The following CCDC144A variants were observed in gnomAD, a reference collection of about 807,000 sequenced individuals.
CCDC144A encodes the protein coiled-coil domain-containing protein 144A.
Under a neutral mutation model 143.8 loss-of-function variants are expected in CCDC144A, and 41 were observed. The observed-to-expected ratio is 0.29, with a 90% CI of 0.22 to 0.37. The LOEUF (loss-of-function observed/expected upper bound fraction) is 0.37, where lower values mean the gene tolerates loss of function less well. CCDC144A is among the 10% of genes least tolerant of loss of function. CCDC144A has a pLI of 1.00. For synonymous variants in CCDC144A, 242 were observed against 517.9 expected (o/e 0.47, Z 7.23); for missense variants, 637 against 1,488.8 (o/e 0.43, Z 9.41).
At chr17:16,756,988 G>A (rs1451957544) in intron 12 of CCDC144A, among the ~76,000 whole-genome samples, 1 of 152,270 alleles carries the variant, frequency 6.6e-6, no homozygotes, top group African/African-American at 2.4e-5. Flanking sequence ...AGGACAGCAG[G>A]CCAGTCCTCA....
intron 2 of CCDC144A, among the ~76,000 whole-genome samples, chr17:16,699,316 A>C (rs1371117848): frequency 3.4e-5 from 5 of 148,878 alleles, no homozygotes; most frequent in Non-Finnish European, 5.9e-5. Flanking sequence ...CGGCCAGATA[A>C]GTTAAAAGTC....
In CCDC144A at chr17:16,774,575, CT is replaced by C. The variant is rs1162966850; in HGVS notation, c.*949del. 5.0e-4 allele frequency: 70 copies of C among 140,684 alleles called. No individual in the cohort carries two copies. Among genetic ancestry groups the C allele is most frequent in the Middle Eastern group, 7.0e-3 (2 of 286 alleles). The allele number at this position is 140,684 out of a possible 1,614,324, so 8.7% of individuals were successfully genotyped here. A position where few individuals can be genotyped will look rare whatever the true frequency, so the allele number is the denominator to read the frequency against. On this transcript the variant is annotated 3_prime_UTR_variant, in exon 17 of 17. Coordinates refer to ENST00000399273, the MANE Select transcript of CCDC144A (RefSeq NM_001382000.1). ...TGTCCCTCCATTGGATTTCTCTGAA[CT>C]TTTTTTATGATAAGATTTAGATGAT...
intron 9 of CCDC144A, among the ~76,000 whole-genome samples, chr17:16,729,612 ATGG>A (rs1195617252): frequency 6.6e-6 from 1 of 151,906 alleles, no homozygotes; most frequent in Non-Finnish European, 1.5e-5. Context: ...CTGGAGTATA[ATGG>A]CGTGATCTCG....
intron 2 of CCDC144A, among the ~76,000 whole-genome samples, chr17:16,698,169 G>A (rs1482339958): frequency 6.6e-6 from 1 of 152,096 alleles, no homozygotes; most frequent in Non-Finnish European, 1.5e-5. Context: ...AATGAGCAGA[G>A]GGCCAGTGAC....
chr17:16,700,288 G>T (rs1218512543), intron 2 of CCDC144A, among the ~76,000 whole-genome samples: 3 of 152,178 alleles, frequency 2.0e-5, no homozygotes, highest in Non-Finnish European at 4.4e-5. Flanking sequence ...TGACACATGT[G>T]CAATGTTGTC....
chr17:16,681,859 CAA>C, the CCDC144A span, among the ~76,000 whole-genome samples: 1 of 120,420 alleles, frequency 8.3e-6, no homozygotes, highest in Admixed American at 8.5e-5. Flanking sequence ...AACTCCGTCT[CAA>C]AAAAAAAAAA....
chr17:16,687,140 G>C (rs1205495816), upstream of CCDC144A, among the ~76,000 whole-genome samples: 14 of 152,168 alleles, frequency 9.2e-5, no homozygotes, highest in Non-Finnish European at 1.9e-4. Flanking sequence ...ACAACAGCCA[G>C]GTTTCTTTCC....
At chr17:16,763,599 A>G (rs1316667162) in intron 14 of CCDC144A, among the ~76,000 whole-genome samples, 1 of 152,076 alleles carries the variant, frequency 6.6e-6, no homozygotes, top group Non-Finnish European at 1.5e-5. Context: ...CATTTCACAT[A>G]GTTACCCTTG....
At chr17:16,716,158 C>A (rs1295999127) in intron 6 of CCDC144A, among the ~76,000 whole-genome samples, 1 of 151,944 alleles carries the variant, frequency 6.6e-6, no homozygotes, top group African/African-American at 2.4e-5. Context: ...TTAATAATTG[C>A]TCTCAGGAAG....
At chr17:16,672,030 ATTTTCATGAGT>A in the CCDC144A span, among the ~76,000 whole-genome samples, 2 of 152,048 alleles carry the variant, frequency 1.3e-5, no homozygotes, top group Non-Finnish European at 2.9e-5. Flanking sequence ...TTTATAGCTA[ATTTTCATGAGT>A]TACCGTTTTG....
At chr17:16,696,791 T>C (rs1463538740) in intron 2 of CCDC144A, among the ~76,000 whole-genome samples, 1 of 152,052 alleles carries the variant, frequency 6.6e-6, no homozygotes, top group Non-Finnish European at 1.5e-5. Context: ...GTTGTTTTGA[T>C]GGTTCAGTGA....
intron 12 of CCDC144A, chr17:16,746,505 C>G: frequency 6.2e-7 from 1 of 1,613,790 alleles, no homozygotes; most frequent in Non-Finnish European, 8.5e-7. Context: ...GTCTTCTCTT[C>G]CTCCACACAG....
chr17:16,760,088 G>A lies in CCDC144A; in HGVS notation c.3373-1337G>A, dbSNP rs919647059. 2.0e-5 allele frequency among the ~76,000 whole-genome samples: 3 copies of A among 152,204 alleles called. No individual in the cohort carries two copies. The East Asian group carries it at 5.8e-4, about 29-fold the overall frequency. On this transcript the variant is annotated intron_variant, in intron 12 of 16. Coordinates refer to ENST00000399273, the MANE Select transcript of CCDC144A (RefSeq NM_001382000.1). The stretch of plus-strand genomic sequence containing the variant: ...CATGGTATGGTTTGGGCTTTCTCAC[G>A]GCATGTTGGCTGCATTTTAAGGACA...
At position 16,722,198 on chromosome 17, in the gene CCDC144A, T is replaced by G. The variant is rs565675036; in HGVS notation, c.1891+1540T>G. Reference sequence around the variant, plus strand: ...CAAATGCCTCTATCTACTGAGATGATCATATGGTTCTTTTAGTTTTTTAAT... The same window carrying G: ...CAAATGCCTCTATCTACTGAGATGAGCATATGGTTCTTTTAGTTTTTTAAT... On this transcript the variant is annotated intron_variant, in intron 8 of 16. Transcript: ENST00000399273. Among the ~76,000 whole-genome samples, 18 of 152,256 alleles carry G rather than the reference T, an allele frequency of 1.2e-4. No individual in the cohort carries two copies. In the South Asian group the frequency reaches 3.3e-3, roughly 28 times the overall value.
chr17:16,673,057 T>C, the CCDC144A span, among the ~76,000 whole-genome samples: 1 of 152,186 alleles, frequency 6.6e-6, no homozygotes, highest in Non-Finnish European at 1.5e-5. Flanking sequence ...TATAGAATGA[T>C]AACACAATTG....
chr17:16,697,844 T>C (rs1911506319), intron 2 of CCDC144A, among the ~76,000 whole-genome samples: 1 of 152,218 alleles, frequency 6.6e-6, no homozygotes, highest in African/African-American at 2.4e-5. Context: ...GACTGTTGAA[T>C]GTAAAAAGAT....
At chr17:16,678,089 G>A in the CCDC144A span, among the ~76,000 whole-genome samples, 1 of 151,980 alleles carries the variant, frequency 6.6e-6, no homozygotes, top group Admixed American at 6.6e-5. Flanking sequence ...CTTTAAAATA[G>A]GGTAGGTGCT....
intron 3 of CCDC144A, chr17:16,705,617 T>C: frequency 1.9e-6 from 1 of 532,434 alleles, no homozygotes; most frequent in Non-Finnish European, 3.4e-6. Context: ...TGATTTTCTT[T>C]AGGAAGTAGG....
intron 9 of CCDC144A, among the ~76,000 whole-genome samples, chr17:16,729,856 C>CAA (rs753478971): frequency 1.3e-4 from 14 of 111,140 alleles, no homozygotes; most frequent in South Asian, 9.5e-4. Context: ...GACTCTGTCT[C>CAA]AAAAAAAAAA....
Sources: gnomAD v4.1 joint callset for allele counts (sites outside exome capture counted in the v4.1 genomes callset) on GRCh38, gnomAD v4.1.1 for gene constraint, MANE v1.5 for transcripts, NCBI Gene and HGNC (gene_info 2026-07-23, HGNC 2026-07-21) for gene names.